Variants in CCSER1 observed in about 807,000 individuals in gnomAD.
The protein encoded by CCSER1 is serine-rich coiled-coil domain-containing protein 1.
In CCSER1, 41 loss-of-function variants were observed where a neutral mutation model predicts 82.0. The ratio of observed to expected loss-of-function variants is 0.50; its 90% CI spans 0.39 to 0.65. The LOEUF (loss-of-function observed/expected upper bound fraction) is 0.65, where lower values mean the gene tolerates loss of function less well. CCSER1 is among the 30% of genes least tolerant of loss of function. CCSER1 has a pLI of 0.00. For synonymous variants in CCSER1, 414 were observed against 383.9 expected (o/e 1.08, Z -0.92); for missense variants, 1,119 against 1,064.2 (o/e 1.05, Z -0.72).
At chr4:91,217,754 C>T (rs895439211) in intron 10 of CCSER1, among the ~76,000 whole-genome samples, 5 of 151,102 alleles carry the variant, frequency 3.3e-5, no homozygotes, top group Non-Finnish European at 7.4e-5. Flanking sequence ...AGGTTCTCCA[C>T]ATCCTCACCA....
chr4:91,233,711 A>T (rs2149119791), intron 10 of CCSER1, among the ~76,000 whole-genome samples: 1 of 152,124 alleles, frequency 6.6e-6, no homozygotes, highest in South Asian at 2.1e-4. Context: ...AGGAAAAATT[A>T]GAAAATATAT....
intron 4 of CCSER1, among the ~76,000 whole-genome samples, chr4:90,414,358 T>A (rs1238631249): frequency 2.0e-5 from 3 of 151,960 alleles, no homozygotes; most frequent in Non-Finnish European, 2.9e-5. Flanking sequence ...CTGGAAACCA[T>A]TTTTTGTGAA....
intron 10 of CCSER1, among the ~76,000 whole-genome samples, chr4:91,442,879 C>T (rs1755281679): frequency 6.6e-6 from 1 of 152,294 alleles, no homozygotes; most frequent in South Asian, 2.1e-4. Flanking sequence ...AAACTGCTCA[C>T]CATCACTGGC....
chr4:90,228,733 G>A (rs553975171), intron 1 of CCSER1, among the ~76,000 whole-genome samples: 14 of 152,314 alleles, frequency 9.2e-5, no homozygotes, highest in African/African-American at 3.4e-4. Flanking sequence ...GAAAAGTTTA[G>A]AAGAATGTAT....
intron 1 of CCSER1, among the ~76,000 whole-genome samples, chr4:90,230,983 C>T (rs1239006015): frequency 6.6e-6 from 1 of 151,774 alleles, no homozygotes; most frequent in African/African-American, 2.4e-5. Context: ...ATAAACAATA[C>T]CTTACCAACC....
intron 7 of CCSER1, chr4:90,727,094 C>A: frequency 2.8e-6 from 1 of 351,096 alleles, no homozygotes; most frequent in Middle Eastern, 5.7e-4. Context: ...CAAAAAGTTT[C>A]TTTTATAAGA....
At chr4:91,088,405 T>C (rs1489312019) in intron 10 of CCSER1, among the ~76,000 whole-genome samples, 1 of 152,164 alleles carries the variant, frequency 6.6e-6, no homozygotes, top group Non-Finnish European at 1.5e-5. Flanking sequence ...GACAGTAATA[T>C]GCTATTTAGC....
intron 10 of CCSER1, among the ~76,000 whole-genome samples, chr4:91,199,844 C>A (rs1735760763): frequency 6.6e-6 from 1 of 151,378 alleles, no homozygotes; most frequent in Non-Finnish European, 1.5e-5. Flanking sequence ...TTTTTAAAAT[C>A]TGAACATGAA....
intron 3 of CCSER1, among the ~76,000 whole-genome samples, chr4:90,330,085 A>G (rs1739005155): frequency 6.6e-6 from 1 of 152,164 alleles, no homozygotes. Context: ...TAGTATATTT[A>G]GTAGTAATGG....
chr4:90,670,412 C>T (rs1337445223), intron 6 of CCSER1, among the ~76,000 whole-genome samples: 1 of 152,066 alleles, frequency 6.6e-6, no homozygotes, highest in African/African-American at 2.4e-5. Flanking sequence ...CTAGATTCAG[C>T]CATATCTCAT....
chr4:90,342,141 A>G lies in CCSER1; in HGVS notation c.1509+29094A>G, dbSNP rs185095865. Reference sequence around the variant, plus strand: ...GCAGTGTGTAAAATCTGAATTGAATACAAGAGATTTGAAAGCGAGGGATAT... The same window carrying G: ...GCAGTGTGTAAAATCTGAATTGAATGCAAGAGATTTGAAAGCGAGGGATAT... On this transcript the variant is annotated intron_variant, in intron 3 of 10. Transcript: ENST00000509176. Among the ~76,000 whole-genome samples the G allele has an allele frequency of 1.4e-3, 217 of 152,302 alleles. 2 individuals are homozygous for G. Among genetic ancestry groups the G allele is most frequent in the Non-Finnish European group, 2.4e-3 (166 of 68,002 alleles).
intron 5 of CCSER1, 47 bp from the exon 6 acceptor site, chr4:90,627,978 T>C: frequency 1.4e-6 from 2 of 1,471,842 alleles, no homozygotes; most frequent in South Asian, 1.1e-5. Flanking sequence ...AATACTGCTC[T>C]AAGCATGCTG....
intron 8 of CCSER1, among the ~76,000 whole-genome samples, chr4:90,897,597 A>G (rs767761042): frequency 1.3e-4 from 20 of 152,076 alleles, no homozygotes; most frequent in African/African-American, 1.7e-4. Context: ...TGCAGTAAAC[A>G]TAAGAGTGCA....
intron 5 of CCSER1, among the ~76,000 whole-genome samples, chr4:90,598,980 C>G (rs529064908): frequency 6.6e-6 from 1 of 152,296 alleles, no homozygotes; most frequent in African/African-American, 2.4e-5. Flanking sequence ...ATAATGCACT[C>G]TAGCAGTGGC....
At chr4:90,276,205 T>TCTTTCTTTCTTTCTTC in intron 1 of CCSER1, among the ~76,000 whole-genome samples, 1 of 52,408 alleles carries the variant, frequency 1.9e-5, no homozygotes, top group Admixed American at 2.3e-4. Flanking sequence ...TTTCTTTCTT[T>TCTTTCTTTCTTTCTTC]CTTTCTTTCT....
chr4:91,345,238 A>T (rs552106887), intron 10 of CCSER1, among the ~76,000 whole-genome samples: 1 of 152,218 alleles, frequency 6.6e-6, no homozygotes, highest in African/African-American at 2.4e-5. Context: ...CTAAAAATGC[A>T]AAATTAGCCA....
chr4:91,562,804 T>TAA (rs1762714944), intron 10 of CCSER1, among the ~76,000 whole-genome samples: 1 of 151,592 alleles, frequency 6.6e-6, no homozygotes, highest in African/African-American at 2.4e-5. Flanking sequence ...TTAAATAGTT[T>TAA]AAAGAGGAAA....
chr4:90,968,833 A>G (rs1212094210), intron 9 of CCSER1, among the ~76,000 whole-genome samples: 6 of 151,814 alleles, frequency 4.0e-5, no homozygotes, highest in Non-Finnish European at 8.8e-5. Context: ...CAACCTGAAA[A>G]TATTAGAGAT....
rs561526614 is a variant in CCSER1, at chr4:91,472,649, G to A, written c.2218-125923G>A. On this transcript the variant is annotated intron_variant, in intron 10 of 10. Coordinates refer to ENST00000509176, the MANE Select transcript of CCSER1 (RefSeq NM_001145065.2). ...CTTGAGATTGTAATATTTGTTACTA[G>A]TACCAAGACAGTTTCATAGGCACAA... is the stretch of plus-strand genomic sequence containing the variant. 2.6e-5 allele frequency among the ~76,000 whole-genome samples: 4 copies of A among 152,198 alleles called. No individual in the cohort carries two copies. In the South Asian group the frequency reaches 8.3e-4, roughly 32 times the overall value.
Sources: gnomAD v4.1 joint callset for allele counts (sites outside exome capture counted in the v4.1 genomes callset) on GRCh38, gnomAD v4.1.1 for gene constraint, MANE v1.5 for transcripts, NCBI Gene and HGNC (gene_info 2026-07-23, HGNC 2026-07-21) for gene names.